ARHGEF33: variants seen among roughly 807,000 people sequenced by gnomAD.
The protein encoded by ARHGEF33 is Rho guanine nucleotide exchange factor 33.
ARHGEF33 carries 72 observed loss-of-function variants against 101.9 expected under a neutral mutation model. That is an observed-to-expected ratio of 0.71 (90% CI 0.58 to 0.86). The LOEUF is 0.86. Ranked by LOEUF, ARHGEF33 falls within the 40% of genes least tolerant of loss-of-function variation. The probability of loss-of-function intolerance (pLI) is 0.00; values close to 1 mark genes in which losing one functional copy is unlikely to be tolerated. For missense variants in ARHGEF33, 1,169 were observed against 1,111.3 expected, an observed-to-expected ratio of 1.05 and a Z score of -0.74; for synonymous variants, 499 against 442.5, an observed-to-expected ratio of 1.13 and a Z score of -1.60.
intron 16 of ARHGEF33, among the ~76,000 whole-genome samples, chr2:38,965,103 CT>C (rs1437238909): frequency 6.6e-6 from 1 of 151,888 alleles, no homozygotes; most frequent in African/African-American, 2.4e-5. Flanking sequence ...AAGCAGTCAC[CT>C]ATCTAATTCA....
Position 38,937,405 on chromosome 2 carries a change from G to GGGCC in ARHGEF33, c.637_640dup (p.His214ArgfsTer12). On this transcript the variant is annotated frameshift_variant, in exon 9 of 18. Coordinates refer to ENST00000409978, the MANE Select transcript of ARHGEF33 (RefSeq NM_001145451.5). LOFTEE classifies it high-confidence loss of function. ...GCCTCTCGGCTGATATCCAGTCCAA[G>GGGCC]GGCCATCTCCCATCTGGCATGTGGA... The GGGCC allele has an allele frequency of 6.5e-7, 1 of 1,540,372 alleles. No individual in the cohort carries two copies. Among genetic ancestry groups the GGGCC allele is most frequent in the Non-Finnish European group, 8.7e-7 (1 of 1,145,216 alleles).
At chr2:38,893,995 G>A (rs1393260359) in intron 1 of ARHGEF33, among the ~76,000 whole-genome samples, 3 of 152,050 alleles carry the variant, frequency 2.0e-5, no homozygotes, top group Non-Finnish European at 2.9e-5. Flanking sequence ...GCACACATAG[G>A]CTCCAAGGAA....
chr2:38,960,720 T>C, intron 16 of ARHGEF33, 72 bp downstream of exon 16: 1 of 1,188,220 alleles, frequency 8.4e-7, no homozygotes, highest in Non-Finnish European at 1.1e-6. Flanking sequence ...GCATCCCGAG[T>C]TCTCCTAGCG....
chr2:38,915,442 C>T (rs534391235), intron 2 of ARHGEF33, among the ~76,000 whole-genome samples: 6 of 144,726 alleles, frequency 4.1e-5, no homozygotes, highest in South Asian at 2.1e-4. Context: ...TGGAGTGCAG[C>T]GGCGTGATCT....
intron 7 of ARHGEF33, among the ~76,000 whole-genome samples, chr2:38,932,263 G>A (rs1005765401): frequency 6.6e-6 from 1 of 151,906 alleles, no homozygotes; most frequent in Non-Finnish European, 1.5e-5. Flanking sequence ...CAAGCAGCTG[G>A]GTCTACAGGC....
chr2:38,949,993 A>C (rs541071136), intron 10 of ARHGEF33, among the ~76,000 whole-genome samples: 1 of 152,234 alleles, frequency 6.6e-6, no homozygotes, highest in South Asian at 2.1e-4. Context: ...CATTCACGAG[A>C]AATTCACCCT....
intron 2 of ARHGEF33, among the ~76,000 whole-genome samples, chr2:38,918,378 T>C (rs192367227): frequency 4.8e-4 from 73 of 152,336 alleles, no homozygotes; most frequent in African/African-American, 1.7e-3. Flanking sequence ...CCAGGTCATG[T>C]ATCTATCATG....
chr2:38,946,094 T>C (rs1470035021), intron 10 of ARHGEF33, among the ~76,000 whole-genome samples: 2 of 152,226 alleles, frequency 1.3e-5, no homozygotes, highest in African/African-American at 4.8e-5. Context: ...CTGTACGTTT[T>C]TACTTCAGAT....
intron 16 of ARHGEF33, among the ~76,000 whole-genome samples, 172 bp from the exon 17 acceptor site, chr2:38,965,834 C>T (rs1038909168): frequency 2.0e-5 from 3 of 152,144 alleles, no homozygotes; most frequent in Non-Finnish European, 2.9e-5. Flanking sequence ...ATCCTCTTTT[C>T]GCCTGCTGGT....
At chr2:38,913,492 C>T (rs1666560671) in intron 2 of ARHGEF33, among the ~76,000 whole-genome samples, 1 of 151,906 alleles carries the variant, frequency 6.6e-6, no homozygotes, top group Admixed American at 6.6e-5. Context: ...AACAATCTAC[C>T]AGCTGGGCAA....
At chr2:38,940,560 C>A (rs970967763) in intron 9 of ARHGEF33, among the ~76,000 whole-genome samples, 1 of 151,942 alleles carries the variant, frequency 6.6e-6, no homozygotes, top group Non-Finnish European at 1.5e-5. Context: ...TGTTCGATTC[C>A]TGTTTGTTGC....
At chr2:38,962,551 T>A (rs1385030957) in intron 16 of ARHGEF33, among the ~76,000 whole-genome samples, 3 of 152,054 alleles carry the variant, frequency 2.0e-5, no homozygotes, top group African/African-American at 7.3e-5. Flanking sequence ...CTCCTAACAG[T>A]GTAAGACATG....
rs145107649 is a variant in ARHGEF33 at position 38,905,057 on chromosome 2, G to A, written c.-86+9208G>A. Reference sequence around the variant, plus strand: ...GGCAGAGCTAGTGGAACCTGAAGGGGGAGCCTGGAAAGGTTAAAGATACCA... The same window carrying A: ...GGCAGAGCTAGTGGAACCTGAAGGGAGAGCCTGGAAAGGTTAAAGATACCA... On this transcript the variant is annotated intron_variant, in intron 2 of 17. Coordinates refer to ENST00000409978, the MANE Select transcript of ARHGEF33 (RefSeq NM_001145451.5). 9.5e-3 allele frequency among the ~76,000 whole-genome samples: 1,446 copies of A among 152,234 alleles called. 21 individuals carry two copies. Among genetic ancestry groups the A allele is most frequent in the African/African-American group, 0.029 (1,195 of 41,526 alleles).
At chr2:38,911,144 A>G (rs1422908846) in intron 2 of ARHGEF33, among the ~76,000 whole-genome samples, 1 of 152,174 alleles carries the variant, frequency 6.6e-6, no homozygotes, top group Non-Finnish European at 1.5e-5. Flanking sequence ...TTTAGGCTCT[A>G]TAGAAAAAAA....
At chr2:38,960,771 G>C (rs1667913593) in intron 16 of ARHGEF33, 123 bp downstream of exon 16, 7 of 827,210 alleles carry the variant, frequency 8.5e-6, no homozygotes, top group Non-Finnish European at 1.5e-6. Flanking sequence ...GGGCGGCTGC[G>C]CGAGCCGTCG....
At chr2:38,919,930 T>C (rs1443529001) in intron 3 of ARHGEF33, among the ~76,000 whole-genome samples, 1 of 152,218 alleles carries the variant, frequency 6.6e-6, no homozygotes, top group Non-Finnish European at 1.5e-5. Flanking sequence ...GGGATCTGGA[T>C]CTTTCCTCCC....
At chr2:38,955,627 G>C (rs1160483973) in intron 13 of ARHGEF33, among the ~76,000 whole-genome samples, 1 of 150,932 alleles carries the variant, frequency 6.6e-6, no homozygotes, top group African/African-American at 2.4e-5. Flanking sequence ...GGCCTCCTGA[G>C]TAGTTGAGAC....
chr2:38,932,285 C>T (rs529979712), intron 7 of ARHGEF33, among the ~76,000 whole-genome samples: 9 of 152,188 alleles, frequency 5.9e-5, no homozygotes, highest in East Asian at 1.9e-4. Context: ...TCACCATGCA[C>T]GGCTAATTTT....
At chr2:38,948,664 G>A (rs1572768552) in intron 10 of ARHGEF33, among the ~76,000 whole-genome samples, 1 of 152,152 alleles carries the variant, frequency 6.6e-6, no homozygotes, top group African/African-American at 2.4e-5. Context: ...ATACATATAT[G>A]GACAATTCTT....
Sources: gnomAD v4.1 joint callset for allele counts (sites outside exome capture counted in the v4.1 genomes callset) on GRCh38, gnomAD v4.1.1 for gene constraint, MANE v1.5 for transcripts, NCBI Gene and HGNC (gene_info 2026-07-23, HGNC 2026-07-21) for gene names.